EIPR1: variants seen among roughly 807,000 people sequenced by gnomAD.
EIPR1 encodes the protein EARP and GARP complex-interacting protein 1.
A neutral mutation model predicts 48.1 loss-of-function variants in EIPR1; 25 were observed. That is an observed-to-expected ratio of 0.52 (90% CI 0.38 to 0.73). The LOEUF (loss-of-function observed/expected upper bound fraction) is 0.73, where lower values mean the gene tolerates loss of function less well. Ranked by LOEUF, EIPR1 falls within the 30% of genes least tolerant of loss-of-function variation. The pLI is 0.00. For missense variants in EIPR1, 415 were observed against 506.2 expected (o/e 0.82, Z 1.73); for synonymous variants, 204 against 201.9 (o/e 1.01, Z -0.09).
chr2:3,208,366 A>G, intron 5 of EIPR1: 1 of 1,249,684 alleles, frequency 8.0e-7, no homozygotes, highest in Non-Finnish European at 1.1e-6. Flanking sequence ...GGTGGGACTC[A>G]TTTATAGGGC....
chr2:3,228,429 A>C (rs1666132745), intron 4 of EIPR1, among the ~76,000 whole-genome samples: 1 of 152,240 alleles, frequency 6.6e-6, no homozygotes, highest in Non-Finnish European at 1.5e-5. Flanking sequence ...CTAGGAAGTA[A>C]TTAAGTTGCT....
intron 3 of EIPR1, among the ~76,000 whole-genome samples, chr2:3,266,597 G>A (rs577290384): frequency 2.6e-5 from 4 of 152,296 alleles, no homozygotes; most frequent in South Asian, 2.1e-4. Context: ...AGGGGCACCC[G>A]CGCCTCTGAC....
In EIPR1 at chr2:3,247,084, G is replaced by A. The variant is rs1270954515; in HGVS notation, c.416+10215C>T. On this transcript the variant is annotated intron_variant, in intron 4 of 8. Coordinates refer to ENST00000382125, the MANE Select transcript of EIPR1 (RefSeq NM_003310.5). ...GGGAGAGAGGGAGGGAGAGAGGGAG[G>A]GAGAGAGGGAGGGAGAGAGGGAGGG... Among the ~76,000 whole-genome samples, 55 of 107,618 alleles carry A rather than the reference G, an allele frequency of 5.1e-4. 1 individual carries two copies. The highest frequency in any genetic ancestry group is 8.9e-4 in the Non-Finnish European group (48 of 53,696). The allele number at this position is 107,618 out of a possible 152,430, so 70.6% of individuals were successfully genotyped here. A position where few individuals can be genotyped will look rare whatever the true frequency, so the allele number is the denominator to read the frequency against.
intron 3 of EIPR1, among the ~76,000 whole-genome samples, chr2:3,296,501 C>G (rs1428632507): frequency 7.6e-6 from 1 of 131,200 alleles, no homozygotes; most frequent in African/African-American, 2.9e-5. Flanking sequence ...CCACACACAC[C>G]CTCCAACCAG....
rs571673330 is a variant in EIPR1 at position 3,329,430 on chromosome 2, T to C, written c.259+8587A>G. Among the ~76,000 whole-genome samples, 4 of 144,406 alleles carry C rather than the reference T, an allele frequency of 2.8e-5. 1 individual carries two copies. In the South Asian group the frequency reaches 9.3e-4, roughly 34 times the overall value. 94.7% of individuals were successfully genotyped at this position (144,406 alleles called of 152,430 possible). A position where few individuals can be genotyped will look rare whatever the true frequency, so the allele number is the denominator to read the frequency against. ...CTCGGGGTACTAGCCCGGACTCCCC[T>C]GGATCACAGGTCTACCCACCATGCT... is the stretch of plus-strand genomic sequence containing the variant. On this transcript the variant is annotated intron_variant, in intron 3 of 8. Coordinates refer to ENST00000382125, the MANE Select transcript of EIPR1 (RefSeq NM_003310.5).
At chr2:3,338,254 G>A in intron 2 of EIPR1, 105 bp from the exon 3 acceptor site, 1 of 1,336,690 alleles carries the variant, frequency 7.5e-7, no homozygotes, top group Non-Finnish European at 1.0e-6. Context: ...TTTCGTGACA[G>A]ATACATCTTT....
chr2:3,341,672 G>A (rs1425177157), intron 2 of EIPR1, among the ~76,000 whole-genome samples: 2 of 151,750 alleles, frequency 1.3e-5, no homozygotes, highest in African/African-American at 4.8e-5. Flanking sequence ...GTGGGTGTGA[G>A]GCAGGTGCAG....
Position 3,341,112 on chromosome 2 carries a change from A to C in EIPR1, c.127-2963T>G, listed in dbSNP as rs1323186967. ...TCCTGTCTCAAAAAAAAAAAAAAAA[A>C]AAAAAAAACAAAACAAAACTCCACA... On this transcript the variant is annotated intron_variant, in intron 2 of 8. Coordinates refer to ENST00000382125, the MANE Select transcript of EIPR1 (RefSeq NM_003310.5). Among the ~76,000 whole-genome samples the C allele has an allele frequency of 1.1e-3, 158 of 148,820 alleles. 1 individual carries two copies. The highest frequency in any genetic ancestry group is 6.8e-3 in the Middle Eastern group (2 of 292).
intron 3 of EIPR1, among the ~76,000 whole-genome samples, chr2:3,273,524 C>A (rs1487559475): frequency 2.3e-4 from 20 of 88,238 alleles, no homozygotes; most frequent in Admixed American, 2.0e-3. Flanking sequence ...AAATGTCACA[C>A]ACACGCAAAA....
At chr2:3,309,995 G>A (rs1669074526) in intron 3 of EIPR1, among the ~76,000 whole-genome samples, 2 of 152,130 alleles carry the variant, frequency 1.3e-5, no homozygotes, top group Admixed American at 6.5e-5. Flanking sequence ...TCCCTGCGCT[G>A]CTCCAAACTG....
At chr2:3,338,563 G>A (rs999540474) in intron 2 of EIPR1, among the ~76,000 whole-genome samples, 2 of 152,172 alleles carry the variant, frequency 1.3e-5, no homozygotes, top group Non-Finnish European at 2.9e-5. Flanking sequence ...AGCAGGGCAC[G>A]ACTGCCTAAT....
intron 2 of EIPR1, 64 bp downstream of exon 2, chr2:3,354,486 A>G (rs1468198227): frequency 6.8e-7 from 1 of 1,473,096 alleles, no homozygotes; most frequent in African/African-American, 1.4e-5. Flanking sequence ...ATCAGAGCAA[A>G]ATGGTTATAA....
chr2:3,191,767 G>A (rs1271129631), intron 8 of EIPR1, among the ~76,000 whole-genome samples: 1 of 152,232 alleles, frequency 6.6e-6, no homozygotes, highest in Non-Finnish European at 1.5e-5. Flanking sequence ...CGGGCATGAA[G>A]AGGCTGCCCT....
intron 3 of EIPR1, among the ~76,000 whole-genome samples, chr2:3,294,691 C>CA (rs1668483011): frequency 1.4e-5 from 2 of 144,562 alleles, no homozygotes; most frequent in African/African-American, 2.6e-5. Context: ...TCTACACACA[C>CA]CCTCCATCCA....
At chr2:3,191,942 G>T (rs953450055) in intron 8 of EIPR1, among the ~76,000 whole-genome samples, 1 of 152,204 alleles carries the variant, frequency 6.6e-6, no homozygotes, top group Non-Finnish European at 1.5e-5. Flanking sequence ...GACTGGGAAG[G>T]TTGGCCTGGA....
At chr2:3,279,933 C>T (rs192606579) in intron 3 of EIPR1, among the ~76,000 whole-genome samples, 104 of 152,346 alleles carry the variant, frequency 6.8e-4, no homozygotes, top group African/African-American at 2.4e-3. Flanking sequence ...GTCACCGCAG[C>T]GCAGCCTGGA....
rs148363289 is a variant in EIPR1, at chr2:3,194,079, G to T, written c.741C>A (p.Cys247Ter). 6.2e-7 allele frequency: 1 copy of T among 1,613,804 alleles called. No individual in the cohort carries two copies. The highest frequency in any genetic ancestry group is 1.3e-5 in the African/African-American group (1 of 74,918). Residue 247 changes from cysteine (C) to a stop codon, truncating the protein, a stop_gained, in exon 7 of 9, where the codon TGC (cysteine) becomes TGA (stop). Coordinates refer to ENST00000382125, the MANE Select transcript of EIPR1 (RefSeq NM_003310.5). LOFTEE classifies it high-confidence loss of function. ...AGAACTTCACCTTACAGTCGTCTCC[G>T]CAGCTGGCCAAGTAGTACTGCTTAT... The part of the protein sequence containing the change: ...NPNKQYYLAS[C>*]GDDCKVKFWD...
chr2:3,217,136 G>A (rs550580735), intron 4 of EIPR1, among the ~76,000 whole-genome samples: 2 of 152,314 alleles, frequency 1.3e-5, no homozygotes, highest in South Asian at 4.1e-4. Context: ...GATTCAGCAA[G>A]CTATAAAAGA....
At position 3,255,706 on chromosome 2, in the gene EIPR1, C is replaced by T. The variant is rs564366015; in HGVS notation, c.416+1593G>A. Among the ~76,000 whole-genome samples, 11 of 152,296 alleles carry T rather than the reference C, an allele frequency of 7.2e-5. No homozygotes were observed. In the South Asian group the frequency reaches 1.9e-3, roughly 26 times the overall value. On this transcript the variant is annotated intron_variant, in intron 4 of 8. Transcript: ENST00000382125. ...TGCACATCCCAGCAGGACTGCCATC[C>T]GCTACACATGCTAACCTCCCTAACG... is the stretch of plus-strand genomic sequence containing the variant.
Sources: allele counts gnomAD v4.1 joint callset (sites outside exome capture counted in the v4.1 genomes callset), GRCh38; gene constraint gnomAD v4.1.1; transcripts MANE v1.5; gene names NCBI Gene and HGNC (gene_info 2026-07-23, HGNC 2026-07-21).